Variants in CNTNAP2 observed in about 807,000 individuals in gnomAD.
CNTNAP2 encodes the protein contactin associated protein 2.
CNTNAP2 carries 98 observed loss-of-function variants against 155.2 expected under a neutral mutation model. That is an observed-to-expected ratio of 0.63 (90% CI 0.54 to 0.75). The LOEUF is 0.75. CNTNAP2 is among the 30% of genes least tolerant of loss of function. The pLI, the probability that CNTNAP2 is intolerant of heterozygous loss-of-function variation, is 0.00. For missense variants in CNTNAP2, 1,727 were observed against 1,688.1 expected (o/e 1.02, Z -0.40); for synonymous variants, 651 against 631.2 (o/e 1.03, Z -0.47).
At chr7:146,910,619 T>C (rs1490299563) in intron 3 of CNTNAP2, among the ~76,000 whole-genome samples, 1 of 150,866 alleles carries the variant, frequency 6.6e-6, no homozygotes, top group East Asian at 1.9e-4. Flanking sequence ...AAGCTGAAAC[T>C]GGATCCCTTC....
chr7:147,014,823 C>G (rs1185167759), intron 3 of CNTNAP2, among the ~76,000 whole-genome samples: 1 of 152,014 alleles, frequency 6.6e-6, no homozygotes, highest in Non-Finnish European at 1.5e-5. Flanking sequence ...TTAGTCAGTC[C>G]CTGGAGATTC....
At chr7:148,181,365 G>A (rs1385301439) in intron 18 of CNTNAP2, among the ~76,000 whole-genome samples, 2 of 152,120 alleles carry the variant, frequency 1.3e-5, no homozygotes, top group East Asian at 3.9e-4. Flanking sequence ...AAGAGAGAAG[G>A]AAGAGCCAAA....
chr7:147,315,219 C>T lies in CNTNAP2; in HGVS notation c.1498+14929C>T, dbSNP rs530999423. 9.2e-4 allele frequency among the ~76,000 whole-genome samples: 136 copies of T among 147,968 alleles called. 6 individuals carry two copies. The highest frequency in any genetic ancestry group is 1.8e-3 in the Admixed American group (27 of 14,830). Reference sequence around the variant, plus strand: ...CATTTTAAACAGATTTTCTTTTTTTCTTATCATTTTATTGGCCAAGAAATC... The same window carrying T: ...CATTTTAAACAGATTTTCTTTTTTTTTTATCATTTTATTGGCCAAGAAATC... On this transcript the variant is annotated intron_variant, in intron 9 of 23. Transcript: ENST00000361727.
At chr7:147,899,685 G>C (rs574771701) in intron 13 of CNTNAP2, among the ~76,000 whole-genome samples, 1 of 152,168 alleles carries the variant, frequency 6.6e-6, no homozygotes, top group East Asian at 1.9e-4. Flanking sequence ...AGGAGTTCGA[G>C]ACCAGCCTGG....
chr7:146,622,353 TTTG>T (rs1050074471), intron 1 of CNTNAP2, among the ~76,000 whole-genome samples: 3 of 151,886 alleles, frequency 2.0e-5, no homozygotes, highest in African/African-American at 7.3e-5. Context: ...AATCCTGGTT[TTTG>T]TTGTTGTTGG....
intron 5 of CNTNAP2, among the ~76,000 whole-genome samples, chr7:147,115,446 A>C (rs924433096): frequency 2.0e-5 from 3 of 152,174 alleles, no homozygotes; most frequent in African/African-American, 7.2e-5. Context: ...GGTCTCTCCC[A>C]GGTACACCAA....
chr7:146,810,370 A>G (rs982827396), intron 2 of CNTNAP2, among the ~76,000 whole-genome samples: 3 of 136,534 alleles, frequency 2.2e-5, no homozygotes, highest in African/African-American at 8.1e-5. Context: ...TTTAATCTGT[A>G]CCTTATAGTT....
At chr7:146,952,714 C>T (rs1797345842) in intron 3 of CNTNAP2, among the ~76,000 whole-genome samples, 1 of 152,064 alleles carries the variant, frequency 6.6e-6, no homozygotes, top group Non-Finnish European at 1.5e-5. Flanking sequence ...AAGAATACAA[C>T]TTACAAGGGA....
rs563755048 is a variant in CNTNAP2, at chr7:147,559,223, G to A, written c.1778-2915G>A. Among the ~76,000 whole-genome samples, 6 of 152,262 alleles carry A rather than the reference G, an allele frequency of 3.9e-5. No homozygotes were observed. The South Asian group carries it at 8.3e-4, about 21-fold the overall frequency. Reference sequence around the variant, plus strand: ...ACTTTTGTAGATTGAGAAAGTGGCTGGTAGTATATTGTAGATAAAGGCCAC... The same window carrying A: ...ACTTTTGTAGATTGAGAAAGTGGCTAGTAGTATATTGTAGATAAAGGCCAC... On this transcript the variant is annotated intron_variant, in intron 11 of 23. Coordinates refer to ENST00000361727, the MANE Select transcript of CNTNAP2 (RefSeq NM_014141.6).
rs564993788 is a variant in CNTNAP2, at chr7:146,352,798, A to G, written c.97+235825A>G. On this transcript the variant is annotated intron_variant, in intron 1 of 23. Coordinates refer to ENST00000361727, the MANE Select transcript of CNTNAP2 (RefSeq NM_014141.6). Reference sequence around the variant, plus strand: ...GAGACAGAGTCTCTCTCTGTCGCCCAGGCTGGAGTTCAGTGGTGCGATCTC... The same window carrying G: ...GAGACAGAGTCTCTCTCTGTCGCCCGGGCTGGAGTTCAGTGGTGCGATCTC... 1.7e-3 allele frequency among the ~76,000 whole-genome samples: 192 copies of G among 113,346 alleles called. 1 individual carries two copies. Among genetic ancestry groups the G allele is most frequent in the African/African-American group, 6.5e-3 (181 of 27,718 alleles). The allele number at this position is 113,346 out of a possible 152,430, so 74.4% of individuals were successfully genotyped here.
At chr7:147,056,400 A>G (rs1177790507) in intron 4 of CNTNAP2, among the ~76,000 whole-genome samples, 3 of 152,132 alleles carry the variant, frequency 2.0e-5, no homozygotes, top group Admixed American at 6.5e-5. Context: ...TTCCCATGGC[A>G]TTGCACTTCC....
At chr7:146,826,857 T>TATATAGAG (rs773069615) in intron 2 of CNTNAP2, among the ~76,000 whole-genome samples, 29 of 138,972 alleles carry the variant, frequency 2.1e-4, no homozygotes, top group African/African-American at 7.3e-4. Flanking sequence ...TATATATATA[T>TATATAGAG]AGAGAGAGAG....
At chr7:147,892,862 T>C (rs528744671) in intron 13 of CNTNAP2, among the ~76,000 whole-genome samples, 7 of 152,320 alleles carry the variant, frequency 4.6e-5, no homozygotes, top group African/African-American at 1.7e-4. Context: ...CCAGTGTAAT[T>C]CTAAAAGATA....
At chr7:147,761,705 A>C (rs2116519627) in intron 13 of CNTNAP2, among the ~76,000 whole-genome samples, 1 of 152,318 alleles carries the variant, frequency 6.6e-6, no homozygotes. Flanking sequence ...TTGAGCTGTA[A>C]GATTGGAGAG....
intron 13 of CNTNAP2, among the ~76,000 whole-genome samples, chr7:147,705,664 C>T (rs1427970964): frequency 6.6e-6 from 1 of 152,086 alleles, no homozygotes. Flanking sequence ...AAGTTCCCAA[C>T]TATTATCGTA....
At chr7:148,255,563 T>C (rs937301791) in intron 20 of CNTNAP2, among the ~76,000 whole-genome samples, 1 of 152,196 alleles carries the variant, frequency 6.6e-6, no homozygotes, top group African/African-American at 2.4e-5. Context: ...TTTTGAGAAA[T>C]TTTTGATATA....
intron 3 of CNTNAP2, among the ~76,000 whole-genome samples, chr7:146,943,187 A>AT (rs1313491478): frequency 1.3e-5 from 2 of 152,244 alleles, no homozygotes; most frequent in African/African-American, 2.4e-5. Context: ...TATGTATTAT[A>AT]TACTGTATTC....
At chr7:147,662,661 T>A (rs1490306586) in intron 13 of CNTNAP2, among the ~76,000 whole-genome samples, 1 of 152,174 alleles carries the variant, frequency 6.6e-6, no homozygotes, top group African/African-American at 2.4e-5. Context: ...TTCCTACTGG[T>A]GATAACTTGC....
At chr7:147,666,176 A>G (rs569372819) in intron 13 of CNTNAP2, among the ~76,000 whole-genome samples, 25 of 152,214 alleles carry the variant, frequency 1.6e-4, no homozygotes, top group Non-Finnish European at 3.4e-4. Context: ...CACCCGAAAT[A>G]TACTACCTAA....
Sources: gnomAD v4.1 joint callset for allele counts (sites outside exome capture counted in the v4.1 genomes callset) on GRCh38, gnomAD v4.1.1 for gene constraint, MANE v1.5 for transcripts, NCBI Gene and HGNC (gene_info 2026-07-23, HGNC 2026-07-21) for gene names.